Variants in TMTC2 observed in about 807,000 individuals in gnomAD.
TMTC2 encodes protein O-mannosyl-transferase TMTC2.
Under a neutral mutation model 82.4 loss-of-function variants are expected in TMTC2, and 43 were observed. The ratio of observed to expected loss-of-function variants is 0.52; its 90% CI spans 0.41 to 0.67. The LOEUF (loss-of-function observed/expected upper bound fraction) is 0.67, where lower values mean the gene tolerates loss of function less well. Ranked by LOEUF, TMTC2 falls within the 30% of genes least tolerant of loss-of-function variation. The probability of loss-of-function intolerance (pLI) is 0.00; values close to 1 mark genes in which losing one functional copy is unlikely to be tolerated. For missense variants in TMTC2, 919 were observed against 1,012.4 expected, an observed-to-expected ratio of 0.91 and a Z score of 1.25; for synonymous variants, 408 against 381.9, an observed-to-expected ratio of 1.07 and a Z score of -0.80.
chr12:83,112,887 T>C (rs569009264), intron 11 of TMTC2, among the ~76,000 whole-genome samples: 5 of 152,342 alleles, frequency 3.3e-5, no homozygotes, highest in Admixed American at 6.5e-5. Context: ...TTTTGTGATT[T>C]TGTAAACGTA....
chr12:83,065,472 A>C lies in TMTC2; in HGVS notation c.2331+3641A>C, dbSNP rs1297192041. ...TGTTTACCAAAATACATAGTTAGAG[A>C]AGTCTATTTATTACAAAATGATACC... On this transcript the variant is annotated intron_variant, in intron 11 of 11. Coordinates refer to ENST00000321196, the MANE Select transcript of TMTC2 (RefSeq NM_152588.3). Among the ~76,000 whole-genome samples, 3 of 152,048 alleles carry C rather than the reference A, an allele frequency of 2.0e-5. No homozygotes were observed. The East Asian group carries it at 5.8e-4, about 29-fold the overall frequency.
chr12:82,762,513 A>T (rs567173807), intron 1 of TMTC2, among the ~76,000 whole-genome samples: 159 of 152,282 alleles, frequency 1.0e-3, no homozygotes, highest in Non-Finnish European at 1.8e-3. Context: ...CCTCCCTGTT[A>T]TTCAAGTTAT....
intron 9 of TMTC2, among the ~76,000 whole-genome samples, chr12:83,038,054 A>G (rs896510888): frequency 6.8e-6 from 1 of 147,958 alleles, no homozygotes; most frequent in Non-Finnish European, 1.5e-5. Context: ...ACCAAACACC[A>G]CATGTTCTCA....
At chr12:82,888,184 C>A (rs1008607235) in intron 2 of TMTC2, among the ~76,000 whole-genome samples, 7 of 152,122 alleles carry the variant, frequency 4.6e-5, no homozygotes, top group African/African-American at 1.7e-4. Flanking sequence ...CATGAAGAAA[C>A]CCTGTCCATA....
At chr12:83,050,802 C>T (rs1466255484) in intron 9 of TMTC2, 102 bp from the exon 10 acceptor site, 8 of 634,942 alleles carry the variant, frequency 1.3e-5, no homozygotes, top group African/African-American at 1.9e-5. Context: ...TAAATCTTAG[C>T]TTCAAATCAC....
chr12:82,804,936 AT>A (rs1353106300), intron 1 of TMTC2, among the ~76,000 whole-genome samples: 3 of 152,116 alleles, frequency 2.0e-5, no homozygotes, highest in Non-Finnish European at 4.4e-5. Flanking sequence ...CATAAATTTA[AT>A]TTCCTCAGCA....
At position 82,857,591 on chromosome 12, in the gene TMTC2, G is replaced by A. The variant is rs1321709336; in HGVS notation, c.654+11G>A. 2.3e-5 allele frequency: 37 copies of A among 1,586,110 alleles called. No homozygotes were observed. The highest frequency in any genetic ancestry group is 3.2e-5 in the Non-Finnish European group (37 of 1,165,414). ...CCTACCATTTACAAAGTAAGTGATT[G>A]TTGGCTCTTGAGCATTGGATTACTG... On this transcript the variant is annotated intron_variant, in intron 2 of 11. Transcript: ENST00000321196.
chr12:82,692,017 T>C (rs1415352951), intron 1 of TMTC2, among the ~76,000 whole-genome samples: 1 of 152,204 alleles, frequency 6.6e-6, no homozygotes, highest in Non-Finnish European at 1.5e-5. Flanking sequence ...TTGGAAAAAG[T>C]TCATTTTGCT....
intron 1 of TMTC2, among the ~76,000 whole-genome samples, chr12:82,732,108 A>G (rs904017744): frequency 1.3e-5 from 2 of 152,222 alleles, no homozygotes; most frequent in Admixed American, 6.5e-5. Context: ...TACAGGTGTT[A>G]TATTTCAAAC....
intron 1 of TMTC2, among the ~76,000 whole-genome samples, chr12:82,845,078 A>G (rs1257118614): frequency 6.7e-6 from 1 of 149,800 alleles, no homozygotes; most frequent in Non-Finnish European, 1.5e-5. Flanking sequence ...AAATACAACA[A>G]ATTAGCTGGG....
At chr12:83,059,499 G>A (rs1328763118) in intron 10 of TMTC2, among the ~76,000 whole-genome samples, 1 of 151,698 alleles carries the variant, frequency 6.6e-6, no homozygotes, top group Non-Finnish European at 1.5e-5. Context: ...TTTAATATTA[G>A]AAGCAAGGTC....
chr12:82,762,125 C>T (rs1182656568), intron 1 of TMTC2, among the ~76,000 whole-genome samples: 1 of 152,028 alleles, frequency 6.6e-6, no homozygotes, highest in African/African-American at 2.4e-5. Context: ...TGCCACCAAG[C>T]AAGGCTAATT....
chr12:82,739,984 A>G (rs1354983953), intron 1 of TMTC2, among the ~76,000 whole-genome samples: 3 of 152,068 alleles, frequency 2.0e-5, no homozygotes, highest in East Asian at 3.9e-4. Flanking sequence ...TTTGCAAACC[A>G]TACTCTGGGT....
At chr12:82,827,979 G>A (rs570047329) in intron 1 of TMTC2, among the ~76,000 whole-genome samples, 2 of 149,200 alleles carry the variant, frequency 1.3e-5, no homozygotes, top group African/African-American at 2.5e-5. Context: ...TGCAACCTCC[G>A]CCTCCCCGGT....
chr12:82,804,204 A>G (rs182741863), intron 1 of TMTC2, among the ~76,000 whole-genome samples: 1 of 152,260 alleles, frequency 6.6e-6, no homozygotes, highest in East Asian at 1.9e-4. Context: ...GAAGAAGTCA[A>G]TGCAGTAGTC....
chr12:83,114,350 A>T (rs986024636), intron 11 of TMTC2, among the ~76,000 whole-genome samples: 2 of 152,188 alleles, frequency 1.3e-5, no homozygotes, highest in South Asian at 2.1e-4. Flanking sequence ...CAGGAAGAAG[A>T]TCCTCACCAA....
At chr12:82,772,051 GTA>G (rs1211810942) in intron 1 of TMTC2, among the ~76,000 whole-genome samples, 2 of 152,152 alleles carry the variant, frequency 1.3e-5, no homozygotes, top group Non-Finnish European at 2.9e-5. Context: ...ATGTGTGTGT[GTA>G]TGTTTTTTTC....
chr12:82,841,081 A>C (rs866853526), intron 1 of TMTC2, among the ~76,000 whole-genome samples: 11 of 152,142 alleles, frequency 7.2e-5, no homozygotes, highest in African/African-American at 2.7e-4. Context: ...CACCTGGCCA[A>C]GATTTTACTG....
intron 1 of TMTC2, among the ~76,000 whole-genome samples, chr12:82,700,060 T>C (rs561645463): frequency 1.5e-4 from 23 of 152,308 alleles, no homozygotes; most frequent in African/African-American, 5.3e-4. Flanking sequence ...GATGCCATTT[T>C]ATATAAGGTC....
Sources: allele counts gnomAD v4.1 joint callset (sites outside exome capture counted in the v4.1 genomes callset), GRCh38; gene constraint gnomAD v4.1.1; transcripts MANE v1.5; gene names NCBI Gene and HGNC (gene_info 2026-07-23, HGNC 2026-07-21).